Variants in MYO1F observed in about 807,000 individuals in gnomAD.
MYO1F encodes the protein unconventional myosin-If.
MYO1F carries 60 observed loss-of-function variants against 146.6 expected under a neutral mutation model. The observed-to-expected ratio is 0.41, with a 90% confidence interval of 0.33 to 0.51. The LOEUF is 0.51. Among genes scored for constraint, MYO1F ranks in the 20% least tolerant of loss-of-function variants. The pLI is 0.25. For synonymous variants in MYO1F, 602 were observed against 602.1 expected, an observed-to-expected ratio of 1.00 and a Z score of 0.00; for missense variants, 1,274 against 1,534.3, an observed-to-expected ratio of 0.83 and a Z score of 2.83.
At chr19:8,553,489 T>C (rs766264925) in intron 4 of MYO1F, 52 bp from the exon 5 acceptor site, 1 of 1,474,598 alleles carries the variant, frequency 6.8e-7, no homozygotes, top group South Asian at 1.1e-5. Context: ...GAGCCCTTTT[T>C]AGTGCCTGAC....
intron 15 of MYO1F, 123 bp from the exon 16 acceptor site, chr19:8,540,151 G>A (rs1972899875): frequency 2.8e-6 from 2 of 706,616 alleles, no homozygotes; most frequent in East Asian, 5.6e-5. Context: ...GTGGAGGGGA[G>A]CTGTGATGGG....
At chr19:8,562,247 C>T (rs550083266) in intron 1 of MYO1F, among the ~76,000 whole-genome samples, 16 of 152,012 alleles carry the variant, frequency 1.1e-4, no homozygotes, top group East Asian at 3.9e-4. Context: ...GTTACCCGCC[C>T]GCCTTGGCCT....
At chr19:8,540,839 G>T (rs182620823) in intron 15 of MYO1F, among the ~76,000 whole-genome samples, 1 of 152,050 alleles carries the variant, frequency 6.6e-6, no homozygotes, top group Non-Finnish European at 1.5e-5. Context: ...AAACCCTTAC[G>T]TGCACATGGA....
chr19:8,560,467 CAT>C (rs933653311), intron 1 of MYO1F, among the ~76,000 whole-genome samples: 1 of 146,764 alleles, frequency 6.8e-6, no homozygotes, highest in African/African-American at 2.5e-5. Context: ...CCTGGGCAAA[CAT>C]AGCGAGACTT....
chr19:8,565,426 C>A (rs1227215268), intron 1 of MYO1F, among the ~76,000 whole-genome samples: 1 of 151,940 alleles, frequency 6.6e-6, no homozygotes, highest in African/African-American at 2.4e-5. Flanking sequence ...CCTGTAATCC[C>A]AGCTACTCGG....
At chr19:8,568,432 A>AAAAAAAC (rs1555731031) in intron 1 of MYO1F, among the ~76,000 whole-genome samples, 2,345 of 148,124 alleles carry the variant, frequency 0.016, 98 homozygotes, top group African/African-American at 0.054. Context: ...CAAAAAAAAA[A>AAAAAAAC]AAAAAAAAAA....
intron 6 of MYO1F, among the ~76,000 whole-genome samples, chr19:8,552,538 A>G (rs1973657583): frequency 6.6e-6 from 1 of 152,082 alleles, no homozygotes; most frequent in Non-Finnish European, 1.5e-5. Flanking sequence ...AAGTGCTGGG[A>G]TTTCAGATGT....
At position 8,564,577 on chromosome 19, in the gene MYO1F, C is replaced by T. The variant is rs1038125368; in HGVS notation, c.4-8781G>A. 4.0e-4 allele frequency among the ~76,000 whole-genome samples: 60 copies of T among 151,854 alleles called. 1 individual carries two copies. The highest frequency in any genetic ancestry group is 2.5e-3 in the Admixed American group (38 of 15,210). On this transcript the variant is annotated intron_variant, in intron 1 of 27. Transcript: ENST00000644032. ...CCAGGCAGGGGAGGCCCAGATGGGA[C>T]GAGGGTGGGTTAGGAGCCATCGACT...
intron 6 of MYO1F, among the ~76,000 whole-genome samples, chr19:8,552,870 T>C (rs1215992755): frequency 6.6e-6 from 1 of 152,112 alleles, no homozygotes; most frequent in Non-Finnish European, 1.5e-5. Flanking sequence ...GAAATGTGAA[T>C]GGGAACAATG....
chr19:8,574,275 C>T (rs1555732707), intron 1 of MYO1F, among the ~76,000 whole-genome samples: 1 of 152,198 alleles, frequency 6.6e-6, no homozygotes, highest in Admixed American at 6.6e-5. Context: ...CCAGCAATGA[C>T]CACTCGCAGC....
intron 14 of MYO1F, chr19:8,543,939 CTGGTGGTGCTGGTGG>C (rs1973184745): frequency 4.0e-5 from 2 of 50,548 alleles, no homozygotes; most frequent in Non-Finnish European, 6.7e-5. Context: ...GGTGGTGGTG[CTGGTGGTGCTGGTGG>C]TGGTGGTGGT....
intron 1 of MYO1F, among the ~76,000 whole-genome samples, chr19:8,571,091 C>T (rs943030446): frequency 6.6e-6 from 1 of 152,222 alleles, no homozygotes. Context: ...GGGCTCCAGG[C>T]TGTCTGCTTT....
chr19:8,527,801 C>G (rs1006140426), intron 21 of MYO1F, among the ~76,000 whole-genome samples: 1 of 152,170 alleles, frequency 6.6e-6, no homozygotes, highest in Non-Finnish European at 1.5e-5. Context: ...TTTGTAGATT[C>G]AGGGTTTTGC....
Position 8,554,554 on chromosome 19 carries a change from G to A in MYO1F, c.249C>T (p.Pro83=). 2 of 1,613,696 alleles carry A rather than the reference G, an allele frequency of 1.2e-6. No homozygotes were observed. The highest frequency in any genetic ancestry group is 1.7e-6 in the Non-Finnish European group (2 of 1,179,688). The stretch of plus-strand genomic sequence containing the variant: ...TGTCCGTGAGGGCGTAGATGTGCGG[G>A]GGATTCTCATACTGGGCCTGGCAGG... ...LYQGAAQYEN[P]PHIYALTDNM... Residue 83 remains proline (P), a synonymous_variant, in exon 4 of 28, where the codon CCC becomes CCT. Coordinates refer to ENST00000644032, the MANE Select transcript of MYO1F (RefSeq NM_012335.4).
chr19:8,548,253 C>G lies in MYO1F; in HGVS notation c.1166G>C (p.Gly389Ala), dbSNP rs770764911. Residue 389 changes from glycine to alanine, a missense_variant, in exon 11 of 28, where the codon GGC (glycine) becomes GCC (alanine). By Grantham distance (60) the Gly-to-Ala change is moderately conservative. Transcript: ENST00000644032. ...GGGCCGTACCTGGAAGATCTCGAAGCCGTAAATGTCCAGCACACCGATGCT... is the reference window on the plus strand; with the variant it reads ...GGGCCGTACCTGGAAGATCTCGAAGGCGTAAATGTCCAGCACACCGATGCT... Reference protein sequence around the residue: ...EYSIGVLDIYGFEIFQKNGFE... With the variant: ...EYSIGVLDIYAFEIFQKNGFE... The G allele has an allele frequency of 6.2e-7, 1 of 1,613,940 alleles. No homozygotes were observed. The highest frequency in any genetic ancestry group is 1.1e-5 in the South Asian group (1 of 91,076).
chr19:8,528,917 G>A (rs749532848), intron 21 of MYO1F, among the ~76,000 whole-genome samples: 18 of 152,102 alleles, frequency 1.2e-4, no homozygotes, highest in East Asian at 1.9e-4. Context: ...TGTGCAAGCC[G>A]GTTGAGCTGG....
intron 13 of MYO1F, 53 bp from the exon 14 acceptor site, chr19:8,544,517 C>T: frequency 6.3e-7 from 1 of 1,576,132 alleles, no homozygotes; most frequent in Non-Finnish European, 8.6e-7. Flanking sequence ...CCTTGCCTCC[C>T]CACAGCTCGT....
In MYO1F at chr19:8,521,387, G is replaced by A; in HGVS notation, c.*141C>T. Reference sequence around the variant, plus strand: ...AGTGACCTGGTGACCCAGGGCCTGGGCAGGACTGGAGGCCAAAGGACTGGA... The same window carrying A: ...AGTGACCTGGTGACCCAGGGCCTGGACAGGACTGGAGGCCAAAGGACTGGA... On this transcript the variant is annotated 3_prime_UTR_variant, in exon 28 of 28. Transcript: ENST00000644032. 1.2e-6 allele frequency: 1 copy of A among 867,126 alleles called. No homozygotes were observed. The highest frequency in any genetic ancestry group is 1.9e-6 in the Non-Finnish European group (1 of 530,094). 53.7% of individuals were successfully genotyped at this position (867,126 alleles called of 1,614,324 possible). A position where few individuals can be genotyped will look rare whatever the true frequency, so the allele number is the denominator to read the frequency against.
intron 12 of MYO1F, 54 bp downstream of exon 12, chr19:8,547,982 T>G: frequency 1.4e-6 from 2 of 1,424,042 alleles, no homozygotes; most frequent in Non-Finnish European, 2.0e-6. Context: ...CTCATGGTCC[T>G]TCCACCCCAC....
Sources: allele counts gnomAD v4.1 joint callset (sites outside exome capture counted in the v4.1 genomes callset), GRCh38; gene constraint gnomAD v4.1.1; transcripts MANE v1.5; gene names NCBI Gene and HGNC (gene_info 2026-07-23, HGNC 2026-07-21).